CRHR1: variants seen among roughly 807,000 people sequenced by gnomAD.
CRHR1 encodes corticotropin releasing hormone receptor 1, also known as corticotropin-releasing hormone receptor 1.
A neutral mutation model predicts 56.0 loss-of-function variants in CRHR1; 28 were observed. The ratio of observed to expected loss-of-function variants is 0.50; its 90% confidence interval spans 0.37 to 0.69. The LOEUF is 0.69. CRHR1 is among the 30% of genes least tolerant of loss of function. The pLI, the probability that CRHR1 is intolerant of heterozygous loss-of-function variation, is 0.00. For missense variants in CRHR1, 376 were observed against 548.0 expected (o/e 0.69, Z 3.13); for synonymous variants, 195 against 216.5 (o/e 0.90, Z 0.87).
intron 2 of CRHR1, among the ~76,000 whole-genome samples, chr17:45,813,460 A>C (rs1054066389): frequency 6.6e-6 from 1 of 152,000 alleles, no homozygotes; most frequent in African/African-American, 2.4e-5. Context: ...ACAGACTTTC[A>C]ATTCCTTCCA....
intron 2 of CRHR1, among the ~76,000 whole-genome samples, chr17:45,812,712 T>C (rs2061845768): frequency 6.6e-6 from 1 of 152,070 alleles, no homozygotes; most frequent in Non-Finnish European, 1.5e-5. Context: ...TCTCCTGACT[T>C]CCCGCCTGCC....
intron 2 of CRHR1, among the ~76,000 whole-genome samples, chr17:45,813,759 G>T (rs2061871726): frequency 6.6e-6 from 1 of 152,242 alleles, no homozygotes. Flanking sequence ...GGCCACTTTG[G>T]CCTCAGTTTT....
intron 1 of CRHR1, among the ~76,000 whole-genome samples, chr17:45,795,897 G>A (rs183201929): frequency 2.2e-3 from 340 of 152,318 alleles, no homozygotes; most frequent in African/African-American, 7.7e-3. Flanking sequence ...GTTCGGTGGG[G>A]TTTGGCGGTC....
At position 45,805,647 on chromosome 17, in the gene CRHR1, T is replaced by C. The variant is rs550262158; in HGVS notation, c.34-1363T>C. ...CAGAGAAGTGATGAAGAGAGCAGCC[T>C]CCCATGAGGCCTCTTGGGCTTCAGG... is the stretch of plus-strand genomic sequence containing the variant. On this transcript the variant is annotated intron_variant, in intron 1 of 12. Coordinates refer to ENST00000314537, the MANE Select transcript of CRHR1 (RefSeq NM_004382.5). 9.3e-4 allele frequency among the ~76,000 whole-genome samples: 141 copies of C among 152,160 alleles called. 2 individuals carry two copies. Among genetic ancestry groups the C allele is most frequent in the Admixed American group, 5.2e-3 (79 of 15,300 alleles).
Position 45,834,689 on chromosome 17 carries a change from G to A in CRHR1, c.1173G>A (p.Val391=), listed in dbSNP as rs774258591. 11 of 1,613,584 alleles carry A rather than the reference G, an allele frequency of 6.8e-6. No homozygotes were observed. Among genetic ancestry groups the A allele is most frequent in the South Asian group, 1.1e-5 (1 of 91,088 alleles). The change falls in exon 13 of 13, where the codon GTG becomes GTA. Residue 391 remains valine, a synonymous_variant. Coordinates refer to ENST00000314537, the MANE Select transcript of CRHR1 (RefSeq NM_004382.5). ...WQDKHSIRAR[V]ARAMSIPTSP... Reference sequence around the variant, plus strand: ...ACAAGCACTCGATCCGTGCCCGAGTGGCCCGTGCCATGTCCATCCCCACCT... The same window carrying A: ...ACAAGCACTCGATCCGTGCCCGAGTAGCCCGTGCCATGTCCATCCCCACCT...
rs2062408628 is a variant in CRHR1, at chr17:45,835,003, C to T, written c.*239C>T. 5.3e-6 allele frequency: 3 copies of T among 569,152 alleles called. No individual in the cohort carries two copies. In the East Asian group the frequency reaches 8.6e-5, roughly 16 times the overall value. 35.3% of individuals were successfully genotyped at this position (569,152 alleles called of 1,614,324 possible). Reference sequence around the variant, plus strand: ...GCCCAGGGCCTCTGGCTTCCCTGCCCAATCCTCCCTGGAGAAGGGACATGG... The same window carrying T: ...GCCCAGGGCCTCTGGCTTCCCTGCCTAATCCTCCCTGGAGAAGGGACATGG... On this transcript the variant is annotated 3_prime_UTR_variant, in exon 13 of 13. Transcript: ENST00000314537.
chr17:45,807,114 C>T lies in CRHR1; in HGVS notation c.121+17C>T. On this transcript the variant is annotated intron_variant, in intron 2 of 12. Coordinates refer to ENST00000314537, the MANE Select transcript of CRHR1 (RefSeq NM_004382.5). ...ACATCTCAGGTGAGTCCCCTCAACCCCCTCCTGCAAGATTCCTGGTCACCA... is the reference window on the plus strand; with the variant it reads ...ACATCTCAGGTGAGTCCCCTCAACCTCCTCCTGCAAGATTCCTGGTCACCA... 1.9e-6 allele frequency: 3 copies of T among 1,611,584 alleles called. No homozygotes were observed. The highest frequency in any genetic ancestry group is 1.7e-6 in the Non-Finnish European group (2 of 1,177,846).
chr17:45,833,756 C>T lies in CRHR1; in HGVS notation c.972C>T (p.Gly324=). ...CTCTGGTGCTGCTGCCCCTCCTGGG[C>T]ATCACCTACATGCTGTTCTTCGTCA... ...KATLVLLPLL[G]ITYMLFFVNP... is the part of the protein sequence containing the mutation. The change falls in exon 11 of 13, where the codon GGC becomes GGT. Residue 324 remains glycine (G), a synonymous_variant. Transcript: ENST00000314537. 1 of 1,578,868 alleles carries T rather than the reference C, an allele frequency of 6.3e-7. No individual in the cohort carries two copies. The highest frequency in any genetic ancestry group is 8.6e-7 in the Non-Finnish European group (1 of 1,159,374).
At position 45,830,405 on chromosome 17, in the gene CRHR1, G is replaced by A; in HGVS notation, c.556-12G>A. 2 of 1,599,414 alleles carry A rather than the reference G, an allele frequency of 1.3e-6. No homozygotes were observed. The highest frequency in any genetic ancestry group is 1.7e-6 in the Non-Finnish European group (2 of 1,171,544). ...CCCCCATCATCATCTCTGGTTGGGG[G>A]TGGGGTGGCAGGGCTGGTGCAGGTT... On this transcript the variant is annotated splice_polypyrimidine_tract_variant and intron_variant, in intron 6 of 12. Coordinates refer to ENST00000314537, the MANE Select transcript of CRHR1 (RefSeq NM_004382.5).
At chr17:45,821,551 T>A in intron 4 of CRHR1, 111 bp downstream of exon 4, 1 of 1,029,976 alleles carries the variant, frequency 9.7e-7, no homozygotes, top group Non-Finnish European at 1.5e-6. Context: ...GTCAAGGCCC[T>A]GCTCTAGTGA....
At chr17:45,790,706 AGCCAGT>A (rs1464174371) in intron 1 of CRHR1, among the ~76,000 whole-genome samples, 1 of 152,038 alleles carries the variant, frequency 6.6e-6, no homozygotes, top group Non-Finnish European at 1.5e-5. Flanking sequence ...TCTGGTTGGG[AGCCAGT>A]GCGCCTAGGT....
rs2062378298 is a variant in CRHR1 at position 45,833,929 on chromosome 17, G to GGA, written c.1066-75_1066-74dup. 1.9e-6 allele frequency: 3 copies of GGA among 1,612,996 alleles called. No individual in the cohort carries two copies. The East Asian group carries it at 6.7e-5, about 36-fold the overall frequency. ...AGAGGCCTGGAGGGCAGGAGGCCAG[G>GGA]GAGAAGCAAGGGGCAGCCCAGAGGC... On this transcript the variant is annotated intron_variant, in intron 11 of 12. Transcript: ENST00000314537.
At position 45,834,679 on chromosome 17, in the gene CRHR1, G is replaced by A. The variant is rs376504533; in HGVS notation, c.1163G>A (p.Arg388His). ...CGGTGGCAGGACAAGCACTCGATCC[G>A]TGCCCGAGTGGCCCGTGCCATGTCC... ...WHRWQDKHSI[R>H]ARVARAMSIP... is the part of the protein sequence containing the mutation. The change falls in exon 13 of 13, where the codon CGT (arginine) becomes CAT (histidine). Residue 388 changes from arginine (R) to histidine (H), a missense_variant. Physicochemically the swap from Arg to His is conservative, Grantham distance 29. Around this residue, in one of 2 missense-constraint regions of CRHR1, gnomAD observed 369 missense variants for 519.5 expected, o/e 0.71. Transcript: ENST00000314537. The A allele has an allele frequency of 1.9e-5, 31 of 1,613,470 alleles. No homozygotes were observed. Among genetic ancestry groups the A allele is most frequent in the Admixed American group, 3.3e-5 (2 of 60,004 alleles).
At chr17:45,801,569 T>C (rs945205839) in intron 1 of CRHR1, among the ~76,000 whole-genome samples, 2 of 152,196 alleles carry the variant, frequency 1.3e-5, no homozygotes, top group Non-Finnish European at 2.9e-5. Flanking sequence ...CAAGTTTTAT[T>C]TGGAGCCTTG....
chr17:45,834,687 G>A lies in CRHR1; in HGVS notation c.1171G>A (p.Val391Met), dbSNP rs61732578. The change falls in exon 13 of 13, where the codon GTG becomes ATG. Residue 391 changes from valine (V) to methionine (M), a missense_variant. Val to Met is a conservative substitution (Grantham distance 21, BLOSUM62 1). Transcript: ENST00000314537. ...GGACAAGCACTCGATCCGTGCCCGA[G>A]TGGCCCGTGCCATGTCCATCCCCAC... ...WQDKHSIRARVARAMSIPTSP... is the reference protein window; with the variant it reads ...WQDKHSIRARMARAMSIPTSP... 2.7e-4 allele frequency: 433 copies of A among 1,613,678 alleles called. No homozygotes were observed. In the African/African-American group the frequency reaches 5.5e-3, roughly 20 times the overall value.
intron 4 of CRHR1, chr17:45,825,420 C>G (rs906394090): frequency 1.3e-5 from 2 of 154,624 alleles, no homozygotes; most frequent in African/African-American, 4.8e-5. Context: ...CACCGTCCAG[C>G]CTTCCCCCAC....
chr17:45,821,127 G>A (rs1485079678), intron 3 of CRHR1, among the ~76,000 whole-genome samples: 1 of 152,238 alleles, frequency 6.6e-6, no homozygotes, highest in Non-Finnish European at 1.5e-5. Context: ...AGCTTGAGTG[G>A]GCAGAGCCGG....
rs2146239548 is a variant in CRHR1 at position 45,784,844 on chromosome 17, G to T, written c.33+267G>T. ...GGGGGTCCGCCCACCCGGGTAGCCG[G>T]CTCCGCGCCAAGAATCGCTCTAGGC... On this transcript the variant is annotated intron_variant, in intron 1 of 12. Coordinates refer to ENST00000314537, the MANE Select transcript of CRHR1 (RefSeq NM_004382.5). This position sits in a 1 kb window ranked among gnomAD's most constrained non-coding sequence, Gnocchi z 4.2. 6.6e-6 allele frequency among the ~76,000 whole-genome samples: 1 copy of T among 152,308 alleles called. No individual in the cohort carries two copies. The highest frequency in any genetic ancestry group is 1.5e-5 in the Non-Finnish European group (1 of 68,014).
At chr17:45,818,357 T>G (rs976564211) in intron 3 of CRHR1, among the ~76,000 whole-genome samples, 3 of 152,224 alleles carry the variant, frequency 2.0e-5, no homozygotes, top group African/African-American at 7.2e-5. Context: ...TTACTTGACA[T>G]GCTCCAGATA....
Sources: allele counts gnomAD v4.1 joint callset (sites outside exome capture counted in the v4.1 genomes callset), GRCh38; gene constraint gnomAD v4.1.1; regional missense constraint gnomAD v4.1.1; non-coding constraint Gnocchi (gnomAD v3.1); transcripts MANE v1.5; gene names NCBI Gene and HGNC (gene_info 2026-07-23, HGNC 2026-07-21).